Variants in L3MBTL2 observed in about 807,000 individuals in gnomAD.
L3MBTL2 encodes the protein L3MBTL histone methyl-lysine binding protein 2.
In L3MBTL2, 49 loss-of-function variants were observed where a neutral mutation model predicts 86.4. The ratio of observed to expected loss-of-function variants is 0.57; its 90% CI spans 0.45 to 0.72. The LOEUF (loss-of-function observed/expected upper bound fraction) is 0.72. Ranked by LOEUF, L3MBTL2 falls within the 30% of genes least tolerant of loss-of-function variation. The pLI, the probability that L3MBTL2 is intolerant of heterozygous loss-of-function variation, is 0.00. For missense variants in L3MBTL2, 755 were observed against 923.7 expected (o/e 0.82, Z 2.37); for synonymous variants, 336 against 350.6 (o/e 0.96, Z 0.47).
chr22:41,210,143 CTTTTTT>C (rs869292228), intron 2 of L3MBTL2: 37 of 162,818 alleles, frequency 2.3e-4, no homozygotes, highest in East Asian at 8.8e-4. Context: ...AGTCTAATTT[CTTTTTT>C]TTTTTTTTTT....
chr22:41,221,015 A>G (rs1376190100), intron 7 of L3MBTL2, 147 bp downstream of exon 7: 5 of 1,041,826 alleles, frequency 4.8e-6, no homozygotes, highest in Non-Finnish European at 6.9e-6. Flanking sequence ...TCCCCATCCC[A>G]GAGGCCTGGG....
At chr22:41,214,309 C>A in intron 3 of L3MBTL2, 1 of 239,494 alleles carries the variant, frequency 4.2e-6, no homozygotes, top group Non-Finnish European at 8.1e-6. Context: ...CACCCTTGGT[C>A]TTCACCCCAC....
chr22:41,229,459 G>T, intron 15 of L3MBTL2, 81 bp from the exon 16 acceptor site: 2 of 1,497,256 alleles, frequency 1.3e-6, no homozygotes, highest in Non-Finnish European at 9.0e-7. Flanking sequence ...CACGCTGCCT[G>T]ACCACTGGGT....
At position 41,227,562 on chromosome 22, in the gene L3MBTL2, C is replaced by T; in HGVS notation, c.1822+239C>T. 6.5e-6 allele frequency: 10 copies of T among 1,545,496 alleles called. No individual in the cohort carries two copies. Among genetic ancestry groups the T allele is most frequent in the Non-Finnish European group, 8.7e-6 (10 of 1,143,352 alleles). ...GCCCACTCTGTCATATGTTCGTGCC[C>T]TTGTGCACCCAGGTAAACTACCCAG... On this transcript the variant is annotated intron_variant, in intron 14 of 16. Transcript: ENST00000216237. The surrounding 1 kb of genome is among the most constrained non-coding windows in gnomAD (Gnocchi z 6.0).
chr22:41,208,311 G>A (rs1456066114), intron 1 of L3MBTL2: 1 of 442,342 alleles, frequency 2.3e-6, no homozygotes, highest in Admixed American at 2.5e-5. Context: ...TTTTTCTTTT[G>A]TAGAGATGGG....
chr22:41,223,208 C>T (rs999353194), intron 8 of L3MBTL2, among the ~76,000 whole-genome samples: 5 of 152,206 alleles, frequency 3.3e-5, no homozygotes, highest in African/African-American at 1.2e-4. Flanking sequence ...ACCTCTGAGA[C>T]GCTTTCCTTC....
rs1601511450 is a variant in L3MBTL2 at position 41,217,027 on chromosome 22, C to T, written c.521-96C>T. The stretch of plus-strand genomic sequence containing the variant: ...GAGAGGGGCTGCTGGGGGTGGGGGA[C>T]CTACCTCTGCAGGTCCCACAGGGCC... On this transcript the variant is annotated intron_variant, in intron 4 of 16. Transcript: ENST00000216237. The T allele has an allele frequency of 3.3e-6, 3 of 909,856 alleles. No homozygotes were observed. In the East Asian group the frequency reaches 7.2e-5, roughly 22 times the overall value. The allele number at this position is 909,856 out of a possible 1,614,324, so 56.4% of individuals were successfully genotyped here.
chr22:41,230,092 C>CCCCCAG, intron 16 of L3MBTL2, 47 bp from the exon 17 acceptor site: 1 of 969,176 alleles, frequency 1.0e-6, no homozygotes, highest in Non-Finnish European at 1.6e-6. Flanking sequence ...CCCACCCCTC[C>CCCCCAG]CAGAGTTATT....
rs2032225036 is a variant in L3MBTL2, at chr22:41,226,950, T to C, written c.1588-139T>C. 5.1e-6 allele frequency: 4 copies of C among 781,446 alleles called. No homozygotes were observed. In the East Asian group the frequency reaches 1.1e-4, roughly 21 times the overall value. 48.4% of individuals were successfully genotyped at this position (781,446 alleles called of 1,614,324 possible). ...GTACTGGGAGAGGTGCAGTGGGTTATTGTCTAGAGGAAGCTGCCCCAGCAG... is the reference window on the plus strand; with the variant it reads ...GTACTGGGAGAGGTGCAGTGGGTTACTGTCTAGAGGAAGCTGCCCCAGCAG... On this transcript the variant is annotated intron_variant, in intron 13 of 16. Coordinates refer to ENST00000216237, the MANE Select transcript of L3MBTL2 (RefSeq NM_031488.5).
chr22:41,222,521 G>A (rs1354364779), intron 8 of L3MBTL2, among the ~76,000 whole-genome samples: 1 of 152,110 alleles, frequency 6.6e-6, no homozygotes, highest in Admixed American at 6.5e-5. Context: ...ACCTGTCTCA[G>A]TGTCTCAGCA....
In L3MBTL2 at chr22:41,205,525, CA is replaced by C. The variant is rs778738252; in HGVS notation, c.24+140del. 1.3e-5 allele frequency: 14 copies of C among 1,042,100 alleles called. No individual in the cohort carries two copies. In the East Asian group the frequency reaches 1.4e-4, roughly 11 times the overall value. The allele number at this position is 1,042,100 out of a possible 1,614,324, so 64.6% of individuals were successfully genotyped here. On this transcript the variant is annotated intron_variant, in intron 1 of 16. Transcript: ENST00000216237. ...ATAAACTGAGGTAGTTAAACTGAGC[CA>C]GGGGCAGAGGCAATTGACGTTACTT...
At chr22:41,228,221 G>T in intron 15 of L3MBTL2, 2 of 985,498 alleles carry the variant, frequency 2.0e-6, no homozygotes, top group Non-Finnish European at 2.4e-6. Context: ...AGGTTCTAAA[G>T]GAAAAGCCAC....
At chr22:41,209,068 C>T (rs2030492149) in intron 1 of L3MBTL2, 1 of 152,206 alleles carries the variant, frequency 6.6e-6, no homozygotes, top group African/African-American at 2.4e-5. Context: ...ATATCTTCTA[C>T]CCCAGAAAGT....
intron 4 of L3MBTL2, 112 bp from the exon 5 acceptor site, chr22:41,217,011 T>A: frequency 1.3e-6 from 1 of 759,360 alleles, no homozygotes; most frequent in Non-Finnish European, 2.3e-6. Flanking sequence ...TGAGAGGGGC[T>A]GCTGGGGGTG....
At chr22:41,207,131 T>C (rs2030287274) in intron 1 of L3MBTL2, among the ~76,000 whole-genome samples, 1 of 152,090 alleles carries the variant, frequency 6.6e-6, no homozygotes, top group African/African-American at 2.4e-5. Flanking sequence ...TCAGAGCCTA[T>C]GCTTTCAACC....
intron 1 of L3MBTL2, among the ~76,000 whole-genome samples, chr22:41,207,456 C>T (rs1203307410): frequency 2.0e-5 from 3 of 151,862 alleles, no homozygotes; most frequent in African/African-American, 7.3e-5. Flanking sequence ...CTCCTAGGCT[C>T]AAGCAATCCT....
chr22:41,211,965 G>A lies in L3MBTL2; in HGVS notation c.263-1928G>A, dbSNP rs574765498. ...TGCAAGCTCCGCCTCCCGGGTTCAC[G>A]CCATTCTCCTGCCTCAGCCTCCCAA... On this transcript the variant is annotated intron_variant, in intron 2 of 16. Coordinates refer to ENST00000216237, the MANE Select transcript of L3MBTL2 (RefSeq NM_031488.5). 1.2e-4 allele frequency among the ~76,000 whole-genome samples: 16 copies of A among 137,956 alleles called. 1 individual carries two copies. Among genetic ancestry groups the A allele is most frequent in the Non-Finnish European group, 1.5e-5 (1 of 65,712 alleles). 90.5% of individuals were successfully genotyped at this position (137,956 alleles called of 152,430 possible). A position where few individuals can be genotyped will look rare whatever the true frequency, so the allele number is the denominator to read the frequency against.
rs1466057266 is a variant in L3MBTL2 at position 41,227,860 on chromosome 22, G to A, written c.1879G>A (p.Gly627Arg). The A allele has an allele frequency of 6.2e-7, 1 of 1,613,474 alleles. No homozygotes were observed. Among genetic ancestry groups the A allele is most frequent in the Non-Finnish European group, 8.5e-7 (1 of 1,179,802 alleles). ...EATKKKKKQFGKKRKRIPPTK... is the reference protein window; with the variant it reads ...EATKKKKKQFRKKRKRIPPTK... ...CACAAAGAAGAAAAAGAAACAGTTT[G>A]GGAAGAAAAGTAAGTGCTGCACCGG... is the stretch of plus-strand genomic sequence containing the variant. Residue 627 changes from glycine to arginine, a missense_variant, in exon 15 of 17, where the codon GGG (glycine) becomes AGG (arginine). Coordinates refer to ENST00000216237, the MANE Select transcript of L3MBTL2 (RefSeq NM_031488.5). This position sits in a 1 kb window ranked among gnomAD's most constrained non-coding sequence, Gnocchi z 6.0.
At chr22:41,219,246 C>T (rs2031633205) in intron 5 of L3MBTL2, 173 bp from the exon 6 acceptor site, 2 of 549,820 alleles carry the variant, frequency 3.6e-6, no homozygotes, top group East Asian at 3.2e-5. Context: ...CCCGGCTTAG[C>T]TCTTCAAGGA....
Sources: gnomAD v4.1 joint callset for allele counts (sites outside exome capture counted in the v4.1 genomes callset) on GRCh38, gnomAD v4.1.1 for gene constraint, Gnocchi (gnomAD v3.1) non-coding constraint, MANE v1.5 for transcripts, NCBI Gene and HGNC (gene_info 2026-07-23, HGNC 2026-07-21) for gene names.